Variants in DNER observed in about 807,000 individuals in gnomAD.
DNER encodes delta/notch like EGF repeat containing, also known as delta and Notch-like epidermal growth factor-related receptor.
A neutral mutation model predicts 78.2 loss-of-function variants in DNER; 33 were observed. That is an observed-to-expected ratio of 0.42 (90% CI 0.32 to 0.56). The LOEUF (loss-of-function observed/expected upper bound fraction) is 0.56, where lower values mean the gene tolerates loss of function less well. DNER is among the 20% of genes least tolerant of loss of function. The pLI is 0.11. For synonymous variants in DNER, 417 were observed against 384.8 expected, an observed-to-expected ratio of 1.08 and a Z score of -0.98; for missense variants, 918 against 975.3, an observed-to-expected ratio of 0.94 and a Z score of 0.78.
chr2:229,361,770 T>C (rs35104975), intron 12 of DNER, among the ~76,000 whole-genome samples: 59,375 of 151,778 alleles, frequency 0.39, 12,506 homozygotes, highest in Non-Finnish European at 0.46. Context: ...ATTGAGAAAA[T>C]ACTCTGAATA....
intron 6 of DNER, among the ~76,000 whole-genome samples, chr2:229,504,857 G>A (rs980044079): frequency 1.1e-4 from 16 of 152,196 alleles, no homozygotes; most frequent in African/African-American, 2.7e-4. Context: ...TGGACAAGAC[G>A]TGTTCCCCAT....
intron 10 of DNER, among the ~76,000 whole-genome samples, chr2:229,388,785 A>G (rs1272340034): frequency 6.6e-6 from 1 of 151,522 alleles, no homozygotes; most frequent in African/African-American, 2.4e-5. Flanking sequence ...GGATCTTGAT[A>G]TTATTAAAGA....
chr2:229,534,367 C>T (rs146525799), intron 5 of DNER, among the ~76,000 whole-genome samples: 2,871 of 152,118 alleles, frequency 0.019, 93 homozygotes, highest in African/African-American at 0.066. Context: ...TGGTAACAGA[C>T]CAATAGATTG....
intron 5 of DNER, among the ~76,000 whole-genome samples, chr2:229,539,313 C>A (rs61470547): frequency 6.6e-6 from 1 of 152,036 alleles, no homozygotes; most frequent in Admixed American, 6.6e-5. Context: ...TTCCCACTTC[C>A]GAATCTGAAG....
At chr2:229,469,217 G>C (rs1694870182) in intron 7 of DNER, among the ~76,000 whole-genome samples, 1 of 152,184 alleles carries the variant, frequency 6.6e-6, no homozygotes, top group Non-Finnish European at 1.5e-5. Flanking sequence ...CCCCATGAGG[G>C]ACAGCGGGTG....
intron 4 of DNER, among the ~76,000 whole-genome samples, chr2:229,549,641 G>T (rs1371062567): frequency 6.6e-6 from 1 of 152,096 alleles, no homozygotes; most frequent in Non-Finnish European, 1.5e-5. Flanking sequence ...GCCGGGCATG[G>T]TGGCTCATGC....
intron 4 of DNER, among the ~76,000 whole-genome samples, chr2:229,563,355 A>C (rs1348979254): frequency 4.0e-5 from 5 of 125,120 alleles, no homozygotes; most frequent in East Asian, 2.6e-4. Flanking sequence ...CATCCTCCTT[A>C]CCCCATCACC....
chr2:229,495,770 C>A (rs113101104), intron 6 of DNER, among the ~76,000 whole-genome samples: 121 of 152,356 alleles, frequency 7.9e-4, no homozygotes, highest in Non-Finnish European at 1.2e-3. Flanking sequence ...ATAAAATAAA[C>A]CATCACAGAG....
At chr2:229,683,221 T>C (rs1471545339) in intron 1 of DNER, among the ~76,000 whole-genome samples, 1 of 152,172 alleles carries the variant, frequency 6.6e-6, no homozygotes, top group Non-Finnish European at 1.5e-5. Flanking sequence ...CTTAGATATA[T>C]ATTGTTACCC....
At chr2:229,362,228 T>C (rs1345951381) in intron 12 of DNER, among the ~76,000 whole-genome samples, 1 of 152,178 alleles carries the variant, frequency 6.6e-6, no homozygotes, top group East Asian at 1.9e-4. Context: ...TCTCATCTCA[T>C]CATCATAACA....
intron 4 of DNER, among the ~76,000 whole-genome samples, chr2:229,548,742 T>TA (rs1394735337): frequency 1.3e-5 from 2 of 151,874 alleles, no homozygotes; most frequent in Non-Finnish European, 2.9e-5. Flanking sequence ...TAAAGTATAA[T>TA]AAAAAATATA....
At chr2:229,517,385 G>A (rs1184352606) in intron 5 of DNER, among the ~76,000 whole-genome samples, 2 of 152,156 alleles carry the variant, frequency 1.3e-5, no homozygotes, top group African/African-American at 4.8e-5. Flanking sequence ...ACGGAGACAG[G>A]GAATAGAAGT....
intron 4 of DNER, among the ~76,000 whole-genome samples, chr2:229,563,829 A>G (rs746373105): frequency 2.0e-5 from 3 of 147,418 alleles, no homozygotes; most frequent in Admixed American, 1.3e-4. Flanking sequence ...CATCACCATC[A>G]TCATCATCAC....
chr2:229,471,272 C>A (rs1694920260), intron 7 of DNER, among the ~76,000 whole-genome samples: 1 of 152,102 alleles, frequency 6.6e-6, no homozygotes, highest in African/African-American at 2.4e-5. Context: ...GCCTGCAAAT[C>A]CCTTTAAGAT....
At chr2:229,503,342 G>C (rs927215710) in intron 6 of DNER, among the ~76,000 whole-genome samples, 1 of 152,180 alleles carries the variant, frequency 6.6e-6, no homozygotes, top group African/African-American at 2.4e-5. Flanking sequence ...GACTAGCATT[G>C]TTACCAGCAG....
At chr2:229,658,127 G>A (rs1331549526) in intron 1 of DNER, among the ~76,000 whole-genome samples, 2 of 152,070 alleles carry the variant, frequency 1.3e-5, no homozygotes, top group African/African-American at 2.4e-5. Flanking sequence ...TCAGGGAGTC[G>A]GGGTCATATT....
At chr2:229,648,267 C>T (rs1000744920) in intron 1 of DNER, among the ~76,000 whole-genome samples, 2 of 152,172 alleles carry the variant, frequency 1.3e-5, no homozygotes, top group Admixed American at 1.3e-4. Context: ...ACCCAGGAGT[C>T]TAGCGCAGTA....
At chr2:229,622,417 T>C (rs1698265290) in intron 1 of DNER, among the ~76,000 whole-genome samples, 1 of 152,158 alleles carries the variant, frequency 6.6e-6, no homozygotes, top group Non-Finnish European at 1.5e-5. Flanking sequence ...TTGTCCCCAT[T>C]GACCCATCTG....
At chr2:229,520,044 C>T (rs1022096225) in intron 5 of DNER, among the ~76,000 whole-genome samples, 1 of 152,166 alleles carries the variant, frequency 6.6e-6, no homozygotes, top group Admixed American at 6.6e-5. Flanking sequence ...CCTGAACAGA[C>T]TTAGGAACTT....
Sources: gnomAD v4.1 joint callset for allele counts (sites outside exome capture counted in the v4.1 genomes callset) on GRCh38, gnomAD v4.1.1 for gene constraint, MANE v1.5 for transcripts, NCBI Gene and HGNC (gene_info 2026-07-23, HGNC 2026-07-21) for gene names.